RNF170: variants seen among roughly 807,000 people sequenced by gnomAD.
RNF170 encodes ring finger protein 170.
A neutral mutation model predicts 32.7 loss-of-function variants in RNF170; 12 were observed. That is an observed-to-expected ratio of 0.37 (90% CI 0.24 to 0.60). RNF170 has a LOEUF of 0.60. Ranked by LOEUF, RNF170 falls within the 20% of genes least tolerant of loss-of-function variation. The pLI is 0.72. For missense variants in RNF170, 212 were observed against 311.2 expected (o/e 0.68, Z 2.40); for synonymous variants, 91 against 103.6 (o/e 0.88, Z 0.74).
At position 42,855,662 on chromosome 8, in the gene RNF170, G is replaced by A. The variant is rs1477008463; in HGVS notation, c.*497C>T. The A allele has an allele frequency of 3.9e-6, 5 of 1,284,188 alleles. No individual in the cohort carries two copies. The highest frequency in any genetic ancestry group is 5.1e-6 in the Non-Finnish European group (5 of 986,770). The allele number at this position is 1,284,188 out of a possible 1,614,324, so 79.5% of individuals were successfully genotyped here. On this transcript the variant is annotated 3_prime_UTR_variant, in exon 7 of 7. Transcript: ENST00000527424. ...ATGAAAAGGCAGAACTGCTCCAAAT[G>A]CACAAAACTTAGCTAGCACTAAAAG...
rs1480964820 is a variant in RNF170, at chr8:42,853,912, A to G, written c.*2247T>C. The stretch of plus-strand genomic sequence containing the variant: ...AGTCTTAGTAGTAACTCCAAATATT[A>G]TAATTATTGTAACCAGAATTGTGAC... On this transcript the variant is annotated 3_prime_UTR_variant, in exon 7 of 7. Transcript: ENST00000527424. 3 of 1,287,054 alleles carry G rather than the reference A, an allele frequency of 2.3e-6. No homozygotes were observed. The highest frequency in any genetic ancestry group is 3.0e-6 in the Non-Finnish European group (3 of 988,634). The allele number at this position is 1,287,054 out of a possible 1,614,324, so 79.7% of individuals were successfully genotyped here. A position where few individuals can be genotyped will look rare whatever the true frequency, so the allele number is the denominator to read the frequency against.
chr8:42,891,456 C>A (rs563480875), intron 1 of RNF170, among the ~76,000 whole-genome samples: 1 of 152,300 alleles, frequency 6.6e-6, no homozygotes, highest in African/African-American at 2.4e-5. Context: ...GTACCTAACT[C>A]AGACCAGATG....
chr8:42,890,914 A>C (rs1806247620), intron 1 of RNF170, among the ~76,000 whole-genome samples: 1 of 152,220 alleles, frequency 6.6e-6, no homozygotes, highest in Non-Finnish European at 1.5e-5. Flanking sequence ...CCATCACTTC[A>C]GTTTGGAAAG....
At chr8:42,874,793 CTTGACA>C (rs1483711748) in intron 2 of RNF170, among the ~76,000 whole-genome samples, 1 of 151,930 alleles carries the variant, frequency 6.6e-6, no homozygotes, top group Non-Finnish European at 1.5e-5. Flanking sequence ...TCACTAATCT[CTTGACA>C]TTAACAATTA....
At chr8:42,887,704 A>C (rs772496241) in intron 2 of RNF170, 24 bp downstream of exon 2, 30 of 1,613,072 alleles carry the variant, frequency 1.9e-5, no homozygotes, top group African/African-American at 6.7e-5. Flanking sequence ...AAATCTACTC[A>C]ATTCTTTTGT....
At chr8:42,870,711 A>G (rs1804459415) in intron 3 of RNF170, among the ~76,000 whole-genome samples, 1 of 152,210 alleles carries the variant, frequency 6.6e-6, no homozygotes, top group Non-Finnish European at 1.5e-5. Context: ...CCTAGGTGAC[A>G]GAGCGAGACC....
chr8:42,854,513 T>C lies in RNF170; in HGVS notation c.*1646A>G, dbSNP rs1309777329. The C allele has an allele frequency of 9.3e-6, 12 of 1,286,790 alleles. No individual in the cohort carries two copies. Among genetic ancestry groups the C allele is most frequent in the Non-Finnish European group, 1.2e-5 (12 of 988,268 alleles). The allele number at this position is 1,286,790 out of a possible 1,614,324, so 79.7% of individuals were successfully genotyped here. A position where few individuals can be genotyped will look rare whatever the true frequency, so the allele number is the denominator to read the frequency against. On this transcript the variant is annotated 3_prime_UTR_variant, in exon 7 of 7. Coordinates refer to ENST00000527424, the MANE Select transcript of RNF170 (RefSeq NM_030954.4). ...GAAACCTGCTTTAATTATAATGTGC[T>C]ATGTTTAAGCATTATTGTTTTTCTC...
Position 42,854,023 on chromosome 8 carries a change from G to C in RNF170, c.*2136C>G. 7.8e-7 allele frequency: 1 copy of C among 1,287,196 alleles called. No individual in the cohort carries two copies. The highest frequency in any genetic ancestry group is 1.0e-6 in the Non-Finnish European group (1 of 988,670). 79.7% of individuals were successfully genotyped at this position (1,287,196 alleles called of 1,614,324 possible). A position where few individuals can be genotyped will look rare whatever the true frequency, so the allele number is the denominator to read the frequency against. On this transcript the variant is annotated 3_prime_UTR_variant, in exon 7 of 7. Transcript: ENST00000527424. ...CCCCACACCAAATGTGTAATTGGTA[G>C]GAAATGCATTTCCAGTCTGGTACAT...
At chr8:42,857,696 A>G (rs1242051008) in intron 6 of RNF170, among the ~76,000 whole-genome samples, 1 of 152,228 alleles carries the variant, frequency 6.6e-6, no homozygotes, top group Non-Finnish European at 1.5e-5. Flanking sequence ...ACAAAAAATA[A>G]TAATTGAGTA....
intron 1 of RNF170, among the ~76,000 whole-genome samples, chr8:42,895,763 C>T (rs1806759189): frequency 1.3e-5 from 2 of 152,180 alleles, no homozygotes; most frequent in Admixed American, 1.3e-4. Context: ...CACTGTGATC[C>T]ACCCGCAAAA....
chr8:42,864,875 T>C (rs908128076), intron 5 of RNF170, among the ~76,000 whole-genome samples: 2 of 151,852 alleles, frequency 1.3e-5, no homozygotes, highest in Admixed American at 6.6e-5. Context: ...ACTACAACTG[T>C]AGGATTTCAA....
chr8:42,894,322 C>T (rs1288032114), intron 1 of RNF170, among the ~76,000 whole-genome samples: 2 of 152,188 alleles, frequency 1.3e-5, no homozygotes, highest in African/African-American at 4.8e-5. Context: ...GACGGCACAA[C>T]CACAGTCGCT....
intron 4 of RNF170, among the ~76,000 whole-genome samples, chr8:42,867,498 G>A (rs34668583): frequency 0.047 from 6,394 of 137,126 alleles, 200 homozygotes; most frequent in South Asian, 0.078. Context: ...AAAAAAGGCC[G>A]GGCGCGGTGG....
chr8:42,895,888 G>C (rs571770718), intron 1 of RNF170, among the ~76,000 whole-genome samples: 7 of 152,214 alleles, frequency 4.6e-5, no homozygotes, highest in Non-Finnish European at 1.0e-4. Flanking sequence ...AGGAGCACAG[G>C]GCATGGGTGA....
intron 5 of RNF170, among the ~76,000 whole-genome samples, chr8:42,864,532 T>C (rs1005654263): frequency 5.3e-5 from 8 of 152,352 alleles, no homozygotes; most frequent in African/African-American, 1.9e-4. Flanking sequence ...CAGTATTTCA[T>C]TTCTCCAGTT....
intron 5 of RNF170, among the ~76,000 whole-genome samples, chr8:42,864,768 G>A (rs1030955347): frequency 3.5e-5 from 5 of 143,746 alleles, no homozygotes; most frequent in African/African-American, 1.3e-4. Flanking sequence ...ACTGGAAAAA[G>A]ACAGATTAAA....
intron 6 of RNF170, among the ~76,000 whole-genome samples, chr8:42,857,226 G>T (rs892743233): frequency 6.6e-6 from 1 of 152,198 alleles, no homozygotes; most frequent in African/African-American, 2.4e-5. Flanking sequence ...AAAACGCAAA[G>T]AACTGAGCAA....
In RNF170 at chr8:42,870,005, A is replaced by G; in HGVS notation, c.321T>C (p.Cys107=). The part of the protein sequence containing the change: ...PVETNCGHLF[C]GACIIAYWRY... Reference sequence around the variant, plus strand: ...CCAAGTATAGCGTTGTTTGCTTACCACAAAAAAGATGTCCACAGTTGGTCT... The same window carrying G: ...CCAAGTATAGCGTTGTTTGCTTACCGCAAAAAAGATGTCCACAGTTGGTCT... Residue 107 remains cysteine (C), a splice_region_variant and synonymous_variant, in exon 4 of 7, where the codon TGT becomes TGC. Transcript: ENST00000527424. The G allele has an allele frequency of 1.2e-6, 2 of 1,610,898 alleles. No homozygotes were observed. Among genetic ancestry groups the G allele is most frequent in the Non-Finnish European group, 1.7e-6 (2 of 1,177,058 alleles).
chr8:42,855,096 C>T lies in RNF170; in HGVS notation c.*1063G>A, dbSNP rs1165694068. 3 of 1,287,228 alleles carry T rather than the reference C, an allele frequency of 2.3e-6. No individual in the cohort carries two copies. The highest frequency in any genetic ancestry group is 4.6e-5 in the Admixed American group (2 of 43,558). 79.7% of individuals were successfully genotyped at this position (1,287,228 alleles called of 1,614,324 possible). A position where few individuals can be genotyped will look rare whatever the true frequency, so the allele number is the denominator to read the frequency against. ...AATGCATCAGGCTACTCTGTGTTTG[C>T]AGCATCGCCCAGGTTCCTAAAACAA... On this transcript the variant is annotated 3_prime_UTR_variant, in exon 7 of 7. Coordinates refer to ENST00000527424, the MANE Select transcript of RNF170 (RefSeq NM_030954.4).
Sources: allele counts gnomAD v4.1 joint callset (sites outside exome capture counted in the v4.1 genomes callset), GRCh38; gene constraint gnomAD v4.1.1; transcripts MANE v1.5; gene names NCBI Gene and HGNC (gene_info 2026-07-23, HGNC 2026-07-21).